The following AGBL4 variants were observed in gnomAD, a reference collection of about 807,000 sequenced individuals.
AGBL4 encodes AGBL carboxypeptidase 4, also known as cytosolic carboxypeptidase 6.
Under a neutral mutation model 66.4 loss-of-function variants are expected in AGBL4, and 58 were observed. That is an observed-to-expected ratio of 0.87 (90% confidence interval 0.71 to 1.09). AGBL4 has a LOEUF of 1.09. Among genes scored for constraint, AGBL4 ranks in the 50% least tolerant of loss-of-function variants. AGBL4 has a pLI of 0.00. For missense variants in AGBL4, 579 were observed against 631.0 expected, an observed-to-expected ratio of 0.92 and a Z score of 0.88; for synonymous variants, 234 against 222.9, an observed-to-expected ratio of 1.05 and a Z score of -0.44.
At chr1:49,619,147 G>T (rs531979159) in intron 3 of AGBL4, among the ~76,000 whole-genome samples, 1 of 151,976 alleles carries the variant, frequency 6.6e-6, no homozygotes, top group Non-Finnish European at 1.5e-5. Context: ...AGAAATAAAG[G>T]GTATTCAAAT....
intron 1 of AGBL4, among the ~76,000 whole-genome samples, chr1:49,948,114 G>GTATGTAAATATATAAATA (rs1655562388): frequency 2.6e-5 from 2 of 76,622 alleles, no homozygotes; most frequent in South Asian, 5.3e-4. Context: ...ATATGTAAAT[G>GTATGTAAATATATAAATA]TATGTAAATA....
At chr1:48,526,943 C>G in the AGBL4 span, among the ~76,000 whole-genome samples, 2 of 152,116 alleles carry the variant, frequency 1.3e-5, no homozygotes, top group Non-Finnish European at 2.9e-5. Flanking sequence ...TCCAGGACCG[C>G]TGACTCTAAG....
chr1:49,271,522 A>G (rs1220015923), intron 3 of AGBL4, among the ~76,000 whole-genome samples: 13 of 131,380 alleles, frequency 9.9e-5, no homozygotes, highest in East Asian at 2.0e-4. Flanking sequence ...GATAGCACAC[A>G]CACACACACA....
chr1:49,460,546 C>A (rs184602828), intron 3 of AGBL4, among the ~76,000 whole-genome samples: 1 of 151,710 alleles, frequency 6.6e-6, no homozygotes, highest in Admixed American at 6.6e-5. Flanking sequence ...TCCATTTTGC[C>A]ATTTTGTATT....
Position 49,119,067 on chromosome 1 carries a change from A to G in AGBL4, c.378-73267T>C, listed in dbSNP as rs537052008. 5.3e-5 allele frequency among the ~76,000 whole-genome samples: 8 copies of G among 151,802 alleles called. No homozygotes were observed. The South Asian group carries it at 1.2e-3, about 24-fold the overall frequency. ...TATCCTCTTTATCATTTTTTATTGCATCTATTTGATTCTTCTCTCTTTTCT... is the reference window on the plus strand; with the variant it reads ...TATCCTCTTTATCATTTTTTATTGCGTCTATTTGATTCTTCTCTCTTTTCT... On this transcript the variant is annotated intron_variant, in intron 4 of 13. Transcript: ENST00000371839.
At chr1:48,735,509 GGGAAGAAAGGAA>G (rs1648891447) in intron 6 of AGBL4, among the ~76,000 whole-genome samples, 1 of 149,990 alleles carries the variant, frequency 6.7e-6, no homozygotes, top group East Asian at 2.0e-4. Flanking sequence ...GAAGGAAGGA[GGGAAGAAAGGAA>G]GGAAGTAAGG....
intron 6 of AGBL4, among the ~76,000 whole-genome samples, chr1:48,861,141 A>T (rs1016118605): frequency 1.3e-5 from 2 of 152,214 alleles, no homozygotes; most frequent in Non-Finnish European, 2.9e-5. Flanking sequence ...ACAGAAAAAA[A>T]TCTAGACTAG....
At chr1:49,845,710 A>C (rs1385451507) in intron 2 of AGBL4, 3 of 1,593,674 alleles carry the variant, frequency 1.9e-6, no homozygotes, top group Admixed American at 3.3e-5. Flanking sequence ...CACATTCCTG[A>C]CTGAGCATCA....
intron 5 of AGBL4, among the ~76,000 whole-genome samples, chr1:48,924,816 CT>C (rs899955810): frequency 6.6e-6 from 1 of 151,942 alleles, no homozygotes; most frequent in African/African-American, 2.4e-5. Context: ...AAAAGTGATC[CT>C]CCATAAGCAA....
At position 48,689,581 on chromosome 1, in the gene AGBL4, A is replaced by T. The variant is rs569771709; in HGVS notation, c.635-26340T>A. ...CTAGGGCTGGGGTAATCTTCAATGA[A>T]GAGGGTAGCCATCACTCACAGCAGC... On this transcript the variant is annotated intron_variant, in intron 6 of 13. Coordinates refer to ENST00000371839, the MANE Select transcript of AGBL4 (RefSeq NM_032785.4). Among the ~76,000 whole-genome samples the T allele has an allele frequency of 2.0e-5, 3 of 152,122 alleles. No homozygotes were observed. The South Asian group carries it at 6.2e-4, about 32-fold the overall frequency.
At chr1:48,763,620 T>G (rs190275616) in intron 6 of AGBL4, among the ~76,000 whole-genome samples, 1 of 152,246 alleles carries the variant, frequency 6.6e-6, no homozygotes, top group East Asian at 1.9e-4. Flanking sequence ...AAGTCTGACA[T>G]GCAGAGCCAC....
intron 3 of AGBL4, among the ~76,000 whole-genome samples, chr1:49,404,437 C>T (rs34532618): frequency 0.026 from 3,968 of 152,246 alleles, 156 homozygotes; most frequent in East Asian, 0.2. Flanking sequence ...AATTTCTGTT[C>T]TTTAAGCCAT....
intron 11 of AGBL4, among the ~76,000 whole-genome samples, chr1:48,558,152 G>C (rs1309100038): frequency 6.6e-6 from 1 of 152,226 alleles, no homozygotes; most frequent in African/African-American, 2.4e-5. Context: ...CCCGTATGGA[G>C]TTTAACATAA....
chr1:49,473,179 T>C (rs1054109809), intron 3 of AGBL4, among the ~76,000 whole-genome samples: 1 of 152,050 alleles, frequency 6.6e-6, no homozygotes, highest in African/African-American at 2.4e-5. Flanking sequence ...AGTAATGAGA[T>C]TCCTAAGTCG....
At chr1:49,628,830 C>G (rs1389196889) in intron 3 of AGBL4, among the ~76,000 whole-genome samples, 1 of 152,170 alleles carries the variant, frequency 6.6e-6, no homozygotes, top group African/African-American at 2.4e-5. Flanking sequence ...CCTCTTCTCT[C>G]AAATATAAAT....
chr1:49,582,121 G>A (rs1558073632), intron 3 of AGBL4, among the ~76,000 whole-genome samples: 1 of 152,140 alleles, frequency 6.6e-6, no homozygotes, highest in Non-Finnish European at 1.5e-5. Context: ...ACTGGGATGG[G>A]CTACAAATCT....
intron 4 of AGBL4, among the ~76,000 whole-genome samples, chr1:49,207,719 G>C (rs1648350993): frequency 6.6e-6 from 1 of 150,832 alleles, no homozygotes; most frequent in Admixed American, 6.6e-5. Flanking sequence ...AGCCCCCCAA[G>C]TAGCTGATAT....
intron 6 of AGBL4, among the ~76,000 whole-genome samples, chr1:48,708,518 G>A (rs574086327): frequency 6.6e-6 from 1 of 152,296 alleles, no homozygotes; most frequent in African/African-American, 2.4e-5. Context: ...GAGAGCCATG[G>A]TTGGGTGGGT....
chr1:48,935,543 T>C (rs1655376640), intron 5 of AGBL4, among the ~76,000 whole-genome samples: 1 of 152,084 alleles, frequency 6.6e-6, no homozygotes, highest in African/African-American at 2.4e-5. Context: ...TTCTAAGTGG[T>C]AATTTACCTG....
Sources: allele counts gnomAD v4.1 joint callset (sites outside exome capture counted in the v4.1 genomes callset), GRCh38; gene constraint gnomAD v4.1.1; transcripts MANE v1.5; gene names NCBI Gene and HGNC (gene_info 2026-07-23, HGNC 2026-07-21).